The following PAPPA variants were observed in gnomAD, a reference collection of about 807,000 sequenced individuals.
PAPPA encodes pappalysin-1.
PAPPA carries 60 observed loss-of-function variants against 164.0 expected under a neutral mutation model. That is an observed-to-expected ratio of 0.37 (90% confidence interval 0.30 to 0.45). The LOEUF is 0.45. Ranked by LOEUF, PAPPA falls within the 20% of genes least tolerant of loss-of-function variation. PAPPA has a pLI of 1.00. For synonymous variants in PAPPA, 875 were observed against 814.1 expected, an observed-to-expected ratio of 1.07 and a Z score of -1.27; for missense variants, 1,782 against 2,087.3, an observed-to-expected ratio of 0.85 and a Z score of 2.85.
At chr9:116,230,370 A>G (rs1330637405) in intron 6 of PAPPA, among the ~76,000 whole-genome samples, 1 of 152,136 alleles carries the variant, frequency 6.6e-6, no homozygotes, top group Non-Finnish European at 1.5e-5. Flanking sequence ...TCCCAAATTC[A>G]TGAGCAATGC....
At chr9:116,332,090 C>G (rs935730081) in intron 11 of PAPPA, among the ~76,000 whole-genome samples, 4 of 152,046 alleles carry the variant, frequency 2.6e-5, no homozygotes, top group African/African-American at 9.7e-5. Flanking sequence ...AGTGGCCCAG[C>G]CATTCACTCA....
chr9:116,179,483 C>G (rs1843877465), intron 1 of PAPPA, among the ~76,000 whole-genome samples: 1 of 152,208 alleles, frequency 6.6e-6, no homozygotes, highest in African/African-American at 2.4e-5. Flanking sequence ...ACAGAGATGT[C>G]CAGAACCCAG....
At chr9:116,351,973 C>T (rs1846287835) in intron 15 of PAPPA, among the ~76,000 whole-genome samples, 1 of 152,156 alleles carries the variant, frequency 6.6e-6, no homozygotes, top group Non-Finnish European at 1.5e-5. Context: ...GCGGGCTGTG[C>T]CTCGATAATA....
chr9:116,219,800 G>A, intron 4 of PAPPA, 137 bp from the exon 5 acceptor site: 1 of 643,876 alleles, frequency 1.6e-6, no homozygotes. Flanking sequence ...ACTCTTGAGA[G>A]CTGGAAGAGG....
In PAPPA at chr9:116,265,860, T is replaced by C. The variant is rs1564203921; in HGVS notation, c.2736T>C (p.Asp912=). 2 of 1,597,630 alleles carry C rather than the reference T, an allele frequency of 1.3e-6. No homozygotes were observed. The highest frequency in any genetic ancestry group is 2.2e-5 in the South Asian group (2 of 90,122). The change falls in exon 8 of 22, where the codon GAT becomes GAC. Residue 912 remains aspartate, a synonymous_variant. Coordinates refer to ENST00000328252, the MANE Select transcript of PAPPA (RefSeq NM_002581.5). ...ATGTCTTCTTTGTATTTTCCAGGGA[T>C]CTAAATCTTGGCAGTGTGTACCAGT... ...LHLNRKFVDM[D]LNLGSVYQYW... is the part of the protein sequence containing the mutation.
intron 7 of PAPPA, among the ~76,000 whole-genome samples, chr9:116,263,054 G>T (rs1359741127): frequency 6.6e-6 from 1 of 152,124 alleles, no homozygotes; most frequent in Non-Finnish European, 1.5e-5. Flanking sequence ...TTTAACTTAA[G>T]GGAGTGACTT....
intron 7 of PAPPA, among the ~76,000 whole-genome samples, chr9:116,250,013 ATGTGTGTGTG>A (rs67162181): frequency 6.8e-4 from 97 of 143,622 alleles, no homozygotes; most frequent in Non-Finnish European, 9.2e-4. Context: ...GTACCTGCAT[ATGTGTGTGTG>A]TGTGTGTGTG....
At position 116,289,313 on chromosome 9, in the gene PAPPA, G is replaced by GCATATAAATA. The variant is rs1397352816; in HGVS notation, c.2954-13444_2954-13443insCATATAAATA. On this transcript the variant is annotated intron_variant, in intron 9 of 21. Transcript: ENST00000328252. ...AATAGCATATATATAGCATATATAT[G>GCATATAAATA]GCATATATATGGCATATATATAGCA... 5.5e-3 allele frequency among the ~76,000 whole-genome samples: 658 copies of GCATATAAATA among 119,006 alleles called. 22 individuals carry two copies. Among genetic ancestry groups the GCATATAAATA allele is most frequent in the African/African-American group, 0.02 (617 of 31,192 alleles). The allele number at this position is 119,006 out of a possible 152,430, so 78.1% of individuals were successfully genotyped here.
intron 6 of PAPPA, among the ~76,000 whole-genome samples, chr9:116,228,296 C>T (rs1844541139): frequency 6.6e-6 from 1 of 151,846 alleles, no homozygotes; most frequent in Non-Finnish European, 1.5e-5. Flanking sequence ...CTTTCATCTC[C>T]CCCTCCCTGG....
In PAPPA at chr9:116,271,800, A is replaced by G. The variant is rs1399237702; in HGVS notation, c.2953+384A>G. Among the ~76,000 whole-genome samples the G allele has an allele frequency of 6.6e-6, 1 of 152,184 alleles. No individual in the cohort carries two copies. The highest frequency in any genetic ancestry group is 2.4e-5 in the African/African-American group (1 of 41,446). ...TAAGAAAAAATCAAACGCCAGAAAA[A>G]TTTCAAAAGTTGTCCAGAGTTATAC... On this transcript the variant is annotated intron_variant, in intron 9 of 21. Coordinates refer to ENST00000328252, the MANE Select transcript of PAPPA (RefSeq NM_002581.5). The surrounding 1 kb of genome is among the most constrained non-coding windows in gnomAD (Gnocchi z 4.2).
rs1026242465 is a variant in PAPPA, at chr9:116,153,938, G to A, written c.-235G>A. On this transcript the variant is annotated 5_prime_UTR_variant, in exon 1 of 22. Transcript: ENST00000328252. ...GAAAAATAAGGCAGATAAAGGAGCG[G>A]GGAGAGAAATTAATTGCCAACCAGG... 16 of 296,820 alleles carry A rather than the reference G, an allele frequency of 5.4e-5. No individual in the cohort carries two copies. The highest frequency in any genetic ancestry group is 8.8e-5 in the East Asian group (1 of 11,380). 18.4% of individuals were successfully genotyped at this position (296,820 alleles called of 1,614,324 possible).
intron 9 of PAPPA, among the ~76,000 whole-genome samples, chr9:116,282,438 C>T (rs563927830): frequency 6.6e-6 from 1 of 152,248 alleles, no homozygotes; most frequent in East Asian, 1.9e-4. Flanking sequence ...TTCCATCTCA[C>T]CATCTCAGAC....
At chr9:116,204,797 A>G (rs1241063798) in intron 2 of PAPPA, among the ~76,000 whole-genome samples, 2 of 152,178 alleles carry the variant, frequency 1.3e-5, no homozygotes, top group Admixed American at 6.5e-5. Context: ...TGTAAGTCAC[A>G]TGGCCATTTT....
intron 9 of PAPPA, among the ~76,000 whole-genome samples, chr9:116,289,650 A>G (rs1334237638): frequency 6.6e-6 from 1 of 152,146 alleles, no homozygotes; most frequent in Non-Finnish European, 1.5e-5. Flanking sequence ...CACAGGAATT[A>G]GAATCATATA....
intron 2 of PAPPA, among the ~76,000 whole-genome samples, chr9:116,202,261 C>G (rs1328399170): frequency 1.3e-5 from 2 of 152,186 alleles, no homozygotes; most frequent in African/African-American, 4.8e-5. Flanking sequence ...TTGCTTCTCT[C>G]TCAATAAAAC....
chr9:116,178,851 T>A (rs1013221273), intron 1 of PAPPA, among the ~76,000 whole-genome samples: 2 of 152,228 alleles, frequency 1.3e-5, no homozygotes, highest in Admixed American at 6.5e-5. Flanking sequence ...AACTCAGATT[T>A]ACTGGCCTGT....
At chr9:116,384,667 A>G (rs887635389) in intron 21 of PAPPA, among the ~76,000 whole-genome samples, 1 of 152,120 alleles carries the variant, frequency 6.6e-6, no homozygotes, top group East Asian at 1.9e-4. Context: ...TATAGCTCTA[A>G]TTATTTCTTT....
At chr9:116,338,361 G>C (rs1846090511) in intron 13 of PAPPA, among the ~76,000 whole-genome samples, 1 of 152,236 alleles carries the variant, frequency 6.6e-6, no homozygotes, top group South Asian at 2.1e-4. Flanking sequence ...CCAACTTTGG[G>C]GGGCAACAAG....
At chr9:116,193,546 G>A (rs1041568667) in intron 2 of PAPPA, among the ~76,000 whole-genome samples, 1 of 152,096 alleles carries the variant, frequency 6.6e-6, no homozygotes, top group Non-Finnish European at 1.5e-5. Context: ...TGAGAGGGGG[G>A]CTGAGCTGCG....
Sources: gnomAD v4.1 joint callset for allele counts (sites outside exome capture counted in the v4.1 genomes callset) on GRCh38, gnomAD v4.1.1 for gene constraint, Gnocchi (gnomAD v3.1) non-coding constraint, MANE v1.5 for transcripts, NCBI Gene and HGNC (gene_info 2026-07-23, HGNC 2026-07-21) for gene names.